MYO18B: variants seen among roughly 807,000 people sequenced by gnomAD.
The protein encoded by MYO18B is myosin XVIIIB.
Under a neutral mutation model 273.0 loss-of-function variants are expected in MYO18B, and 204 were observed. That is an observed-to-expected ratio of 0.75 (90% CI 0.67 to 0.84). MYO18B has a LOEUF of 0.84. Among genes scored for constraint, MYO18B ranks in the 40% least tolerant of loss-of-function variants. The probability of loss-of-function intolerance (pLI) is 0.00; values close to 1 mark genes in which losing one functional copy is unlikely to be tolerated. For synonymous variants in MYO18B, 1,330 were observed against 1,305.7 expected, an observed-to-expected ratio of 1.02 and a Z score of -0.40; for missense variants, 3,212 against 3,287.6, an observed-to-expected ratio of 0.98 and a Z score of 0.56.
chr22:25,858,957 C>T (rs557549307), intron 21 of MYO18B, among the ~76,000 whole-genome samples: 8 of 152,294 alleles, frequency 5.3e-5, no homozygotes, highest in Non-Finnish European at 1.0e-4. Flanking sequence ...TGACATTTGA[C>T]AAGTCACTCA....
chr22:26,021,491 G>C (rs1935814199), intron 42 of MYO18B, among the ~76,000 whole-genome samples: 1 of 152,178 alleles, frequency 6.6e-6, no homozygotes, highest in Non-Finnish European at 1.5e-5. Flanking sequence ...GGGCCCTGGT[G>C]CTTCCCTCAC....
At chr22:25,747,313 C>A (rs133858) in intron 1 of MYO18B, among the ~76,000 whole-genome samples, 49 of 152,020 alleles carry the variant, frequency 3.2e-4, no homozygotes, top group African/African-American at 1.2e-3. Context: ...TATACCCGTG[C>A]CAGACATTGC....
chr22:25,885,317 T>G (rs1240193470), intron 25 of MYO18B, among the ~76,000 whole-genome samples: 1 of 152,156 alleles, frequency 6.6e-6, no homozygotes, highest in Non-Finnish European at 1.5e-5. Flanking sequence ...ATGGCAGAAC[T>G]GTGATTTGAA....
intron 42 of MYO18B, among the ~76,000 whole-genome samples, chr22:26,023,755 G>C (rs1447471317): frequency 3.3e-5 from 5 of 152,190 alleles, no homozygotes; most frequent in Non-Finnish European, 7.3e-5. Flanking sequence ...GGATGGAAAT[G>C]ACTTTTGTCA....
the MYO18B span, among the ~76,000 whole-genome samples, chr22:26,038,073 T>A: frequency 6.6e-6 from 1 of 152,228 alleles, no homozygotes; most frequent in Admixed American, 6.5e-5. Flanking sequence ...GAGCATCTAT[T>A]GCCTAAAGTC....
intron 34 of MYO18B, among the ~76,000 whole-genome samples, chr22:25,940,979 C>T (rs115427549): frequency 6.6e-5 from 10 of 152,238 alleles, no homozygotes; most frequent in South Asian, 4.2e-4. Context: ...CTGGGGAAGC[C>T]GGGCTGATTT....
At chr22:25,746,206 C>T (rs2085774059) in intron 1 of MYO18B, among the ~76,000 whole-genome samples, 1 of 152,062 alleles carries the variant, frequency 6.6e-6, no homozygotes, top group Non-Finnish European at 1.5e-5. Flanking sequence ...TGATATAGTC[C>T]CAGTTTTATA....
At chr22:25,900,986 G>A (rs1469567266) in intron 29 of MYO18B, 7 of 152,210 alleles carry the variant, frequency 4.6e-5, no homozygotes. Flanking sequence ...CATGTTTCTT[G>A]CTGAACTGTT....
intron 40 of MYO18B, among the ~76,000 whole-genome samples, chr22:26,002,303 C>T (rs1175821771): frequency 6.6e-6 from 1 of 152,192 alleles, no homozygotes; most frequent in Non-Finnish European, 1.5e-5. Flanking sequence ...ACTGACTTTT[C>T]TTCTGTTGGA....
intron 40 of MYO18B, among the ~76,000 whole-genome samples, chr22:25,996,895 C>T (rs1358247160): frequency 6.6e-6 from 1 of 152,186 alleles, no homozygotes; most frequent in Non-Finnish European, 1.5e-5. Flanking sequence ...GCATCTTCCT[C>T]TTTCCCTTTC....
rs188777837 is a variant in MYO18B at position 26,022,091 on chromosome 22, C to G, written c.6471-4354C>G. ...TCTGGAGCCTCTCCTTGAAGAGTAA[C>G]AGTGCCCCTGCCTATCCTGCCTCAT... On this transcript the variant is annotated intron_variant, in intron 42 of 43. Coordinates refer to ENST00000335473, the MANE Select transcript of MYO18B (RefSeq NM_032608.7). Among the ~76,000 whole-genome samples the G allele has an allele frequency of 2.4e-3, 359 of 152,124 alleles. 1 individual carries two copies. Among genetic ancestry groups the G allele is most frequent in the Admixed American group, 0.01 (160 of 15,290 alleles).
intron 42 of MYO18B, among the ~76,000 whole-genome samples, chr22:26,019,740 G>A (rs1310766048): frequency 6.6e-6 from 1 of 152,124 alleles, no homozygotes; most frequent in African/African-American, 2.4e-5. Flanking sequence ...GATGAAGAAC[G>A]GGGGGTGACA....
At chr22:25,908,043 A>AG (rs2092081898) in intron 31 of MYO18B, among the ~76,000 whole-genome samples, 1 of 151,898 alleles carries the variant, frequency 6.6e-6, no homozygotes, top group African/African-American at 2.4e-5. Flanking sequence ...CAAAAAAAAA[A>AG]AAAAAAAGAG....
At chr22:26,001,335 G>C (rs1933931929) in intron 40 of MYO18B, among the ~76,000 whole-genome samples, 1 of 152,178 alleles carries the variant, frequency 6.6e-6, no homozygotes. Context: ...AAGCTCCAAG[G>C]TATAGATGGC....
rs559097537 is a variant in MYO18B, at chr22:25,944,703, C to T, written c.5518-1434C>T. ...TCTCTACTAAAAAACAAAAATTAGC[C>T]GTGCATGGTGGCAGGCGCCTGTAGT... On this transcript the variant is annotated intron_variant, in intron 34 of 43. Transcript: ENST00000335473. Among the ~76,000 whole-genome samples, 6 of 152,090 alleles carry T rather than the reference C, an allele frequency of 3.9e-5. No homozygotes were observed. In the East Asian group the frequency reaches 7.8e-4, roughly 20 times the overall value.
intron 12 of MYO18B, among the ~76,000 whole-genome samples, chr22:25,819,707 A>C (rs1013113975): frequency 2.6e-5 from 4 of 152,192 alleles, no homozygotes; most frequent in African/African-American, 9.7e-5. Context: ...GAAGATGAAA[A>C]GTGAGTCCAT....
intron 1 of MYO18B, among the ~76,000 whole-genome samples, chr22:25,755,486 G>A (rs1451852627): frequency 6.6e-5 from 10 of 152,182 alleles, no homozygotes; most frequent in Admixed American, 1.3e-4. Flanking sequence ...AGTTACAGGC[G>A]TGAGCCACCG....
At position 25,750,805 on chromosome 22, in the gene MYO18B, C is replaced by G. The variant is rs1262319208; in HGVS notation, c.-110+8512C>G. Among the ~76,000 whole-genome samples the G allele has an allele frequency of 2.0e-5, 3 of 152,172 alleles. No homozygotes were observed. In the East Asian group the frequency reaches 5.8e-4, roughly 29 times the overall value. ...CTGCAGGGTGACATTGGCTGGCACC[C>G]TCAGGCATGGTGTCATGGAGGAAGG... is the stretch of plus-strand genomic sequence containing the variant. On this transcript the variant is annotated intron_variant, in intron 1 of 43. Coordinates refer to ENST00000335473, the MANE Select transcript of MYO18B (RefSeq NM_032608.7).
Position 25,874,432 on chromosome 22 carries a change from C to T in MYO18B, c.4080+18C>T, listed in dbSNP as rs773107062. 1.2e-6 allele frequency: 2 copies of T among 1,607,820 alleles called. No homozygotes were observed. The highest frequency in any genetic ancestry group is 2.2e-5 in the South Asian group (2 of 90,316). ...AGCTGAAGGTACTGCATGCCGTTCC[C>T]ATGAGGAGTCTGATCCAACGGGTCT... On this transcript the variant is annotated intron_variant, in intron 23 of 43. Transcript: ENST00000335473.
Sources: allele counts gnomAD v4.1 joint callset (sites outside exome capture counted in the v4.1 genomes callset), GRCh38; gene constraint gnomAD v4.1.1; transcripts MANE v1.5; gene names NCBI Gene and HGNC (gene_info 2026-07-23, HGNC 2026-07-21).